Variants in RARB observed in about 807,000 individuals in gnomAD.
RARB encodes the protein retinoic acid receptor beta.
A neutral mutation model predicts 51.9 loss-of-function variants in RARB; 17 were observed. The ratio of observed to expected loss-of-function variants is 0.33; its 90% CI spans 0.22 to 0.49. The LOEUF (loss-of-function observed/expected upper bound fraction) is 0.49. RARB is among the 20% of genes least tolerant of loss of function. RARB has a pLI of 0.99. For missense variants in RARB, 369 were observed against 550.8 expected (o/e 0.67, Z 3.30); for synonymous variants, 215 against 195.4 (o/e 1.10, Z -0.84).
intron 5 of RARB, among the ~76,000 whole-genome samples, chr3:25,376,722 G>T (rs1030618521): frequency 2.0e-5 from 3 of 152,148 alleles, no homozygotes; most frequent in African/African-American, 7.2e-5. Flanking sequence ...ATGGTATCAG[G>T]CTATCCCAAG....
rs181950175 is a variant in RARB, at chr3:25,286,230, A to G, written c.178+111655A>G. ...CGGCCTCCCAAGTAGCTGGGACTAC[A>G]GGCGCCCGCCACCATGCCCAGCTAA... is the stretch of plus-strand genomic sequence containing the variant. On this transcript the variant is annotated intron_variant, in intron 5 of 11. Transcript: ENST00000383772. Among the ~76,000 whole-genome samples the G allele has an allele frequency of 7.7e-3, 1,169 of 151,780 alleles. 14 individuals are homozygous for G. The highest frequency in any genetic ancestry group is 0.027 in the African/African-American group (1,108 of 41,370).
chr3:25,495,915 C>T (rs1697003310), intron 2 of RARB, among the ~76,000 whole-genome samples: 1 of 152,148 alleles, frequency 6.6e-6, no homozygotes, highest in Non-Finnish European at 1.5e-5. Context: ...CGTGATTAGC[C>T]AGCAGAAGCT....
chr3:25,265,278 C>T (rs1487901636), intron 5 of RARB, among the ~76,000 whole-genome samples: 1 of 152,108 alleles, frequency 6.6e-6, no homozygotes, highest in Non-Finnish European at 1.5e-5. Flanking sequence ...TAATTATTTT[C>T]ATGGAATGAG....
In RARB at chr3:25,501,249, T is replaced by A; in HGVS notation, c.374T>A (p.Ile125Asn). 1.2e-6 allele frequency: 2 copies of A among 1,612,394 alleles called. No homozygotes were observed. Among genetic ancestry groups the A allele is most frequent in the Non-Finnish European group, 1.7e-6 (2 of 1,179,482 alleles). The change falls in exon 3 of 8, where the codon ATT becomes AAT. Residue 125 changes from isoleucine (I) to asparagine (N), a missense_variant. By Grantham distance (149) the Ile-to-Asn change is moderately radical. This residue lies in a region of RARB where 26 missense variants were observed against 28.8 expected (regional missense o/e 0.90). Coordinates refer to ENST00000330688, the MANE Select transcript of RARB (RefSeq NM_000965.5). Reference protein sequence around the residue: ...YTCHRDKNCVINKVTRNRCQY... With the variant: ...YTCHRDKNCVNNKVTRNRCQY... Reference sequence around the variant, plus strand: ...TGTCACCGAGATAAGAACTGTGTTATTAATAAAGTCACCAGGAATCGATGC... The same window carrying A: ...TGTCACCGAGATAAGAACTGTGTTAATAATAAAGTCACCAGGAATCGATGC...
chr3:25,323,183 T>G (rs1704621145), intron 5 of RARB, among the ~76,000 whole-genome samples: 1 of 152,166 alleles, frequency 6.6e-6, no homozygotes, highest in Non-Finnish European at 1.5e-5. Flanking sequence ...ATGTGATCTC[T>G]GAAGCTCTGG....
intron 5 of RARB, among the ~76,000 whole-genome samples, chr3:25,365,803 G>A (rs1026929): frequency 6.6e-6 from 1 of 152,080 alleles, no homozygotes; most frequent in South Asian, 2.1e-4. Context: ...ACTTGTTATG[G>A]GGGCAGCTCC....
chr3:25,273,099 A>C (rs1019282582), intron 5 of RARB, among the ~76,000 whole-genome samples: 1 of 152,142 alleles, frequency 6.6e-6, no homozygotes, highest in Non-Finnish European at 1.5e-5. Context: ...AAATAGCCCC[A>C]AGCTTCCTCA....
At chr3:25,034,270 A>G (rs1297579408) in intron 2 of RARB, among the ~76,000 whole-genome samples, 2 of 152,194 alleles carry the variant, frequency 1.3e-5, no homozygotes, top group East Asian at 1.9e-4. Context: ...AGATCGCACC[A>G]CTGCACTCCA....
intron 5 of RARB, among the ~76,000 whole-genome samples, chr3:25,336,327 CAA>C (rs1705062097): frequency 6.6e-6 from 1 of 152,154 alleles, no homozygotes; most frequent in Admixed American, 6.6e-5. Context: ...ATAATAGCCT[CAA>C]GATAAATAAC....
intron 2 of RARB, among the ~76,000 whole-genome samples, chr3:25,487,650 T>C (rs1404336043): frequency 1.3e-5 from 2 of 152,176 alleles, no homozygotes; most frequent in Non-Finnish European, 2.9e-5. Flanking sequence ...CTGAAATACT[T>C]TGGGTAAGCA....
chr3:25,131,711 C>T (rs745737034), intron 3 of RARB, among the ~76,000 whole-genome samples: 13 of 152,054 alleles, frequency 8.5e-5, no homozygotes, highest in Middle Eastern at 3.4e-3. Context: ...CCATTTGCCA[C>T]GCTGTCCAGT....
chr3:25,038,699 G>T (rs1464837568), intron 2 of RARB, among the ~76,000 whole-genome samples: 1 of 152,064 alleles, frequency 6.6e-6, no homozygotes, highest in Non-Finnish European at 1.5e-5. Flanking sequence ...TTTAAGTGTG[G>T]AAACTTGTCC....
At chr3:24,868,600 T>G (rs1702892705) in intron 2 of RARB, among the ~76,000 whole-genome samples, 1 of 152,280 alleles carries the variant, frequency 6.6e-6, no homozygotes, top group South Asian at 2.1e-4. Context: ...GTGGTTGGAC[T>G]TGCCTCATTA....
At chr3:25,115,939 A>G (rs1175209688) in intron 3 of RARB, among the ~76,000 whole-genome samples, 1 of 151,968 alleles carries the variant, frequency 6.6e-6, no homozygotes, top group African/African-American at 2.4e-5. Flanking sequence ...CCCAGTTTTC[A>G]TTTTTTTGAA....
chr3:24,967,119 A>G (rs1696292543), intron 2 of RARB, among the ~76,000 whole-genome samples: 1 of 152,174 alleles, frequency 6.6e-6, no homozygotes, highest in South Asian at 2.1e-4. Context: ...TTATCTTGAA[A>G]AATCAGAAGA....
intron 5 of RARB, among the ~76,000 whole-genome samples, chr3:25,284,467 ATTTG>A (rs1184371803): frequency 8.1e-6 from 1 of 124,012 alleles, no homozygotes; most frequent in East Asian, 2.3e-4. Flanking sequence ...GTGTATTTTT[ATTTG>A]AGTAGTATTA....
intron 5 of RARB, among the ~76,000 whole-genome samples, chr3:25,195,790 T>C (rs1258733969): frequency 6.6e-6 from 1 of 152,008 alleles, no homozygotes; most frequent in Non-Finnish European, 1.5e-5. Context: ...AATCAGATTT[T>C]AAAAGAAAGC....
chr3:24,952,940 T>C (rs986264162), intron 2 of RARB, among the ~76,000 whole-genome samples: 1 of 152,126 alleles, frequency 6.6e-6, no homozygotes, highest in Non-Finnish European at 1.5e-5. Flanking sequence ...AATTTCAGGG[T>C]ATAACATAGT....
At chr3:25,361,919 C>T (rs564755561) in intron 5 of RARB, among the ~76,000 whole-genome samples, 1 of 152,214 alleles carries the variant, frequency 6.6e-6, no homozygotes, top group East Asian at 1.9e-4. Context: ...ATCTGTCGAC[C>T]CCTGCTGGGA....
Sources: gnomAD v4.1 joint callset for allele counts (sites outside exome capture counted in the v4.1 genomes callset) on GRCh38, gnomAD v4.1.1 for gene constraint, gnomAD v4.1.1 regional missense constraint, MANE v1.5 for transcripts, NCBI Gene and HGNC (gene_info 2026-07-23, HGNC 2026-07-21) for gene names.